The following PEX3 variants were observed in gnomAD, a reference collection of about 807,000 sequenced individuals.
PEX3 encodes peroxisomal biogenesis factor 3.
Under a neutral mutation model 55.8 loss-of-function variants are expected in PEX3, and 30 were observed. That is an observed-to-expected ratio of 0.54 (90% CI 0.40 to 0.73). The LOEUF (loss-of-function observed/expected upper bound fraction) is 0.73, where lower values mean the gene tolerates loss of function less well. PEX3 is among the 30% of genes least tolerant of loss of function. The pLI is 0.00. For missense variants in PEX3, 351 were observed against 432.8 expected, an observed-to-expected ratio of 0.81 and a Z score of 1.68; for synonymous variants, 135 against 148.4, an observed-to-expected ratio of 0.91 and a Z score of 0.66.
chr6:143,489,984 A>C lies in PEX3; in HGVS notation c.*758A>C, dbSNP rs1780365858. The C allele has an allele frequency of 6.6e-6, 1 of 152,184 alleles. No homozygotes were observed. Among genetic ancestry groups the C allele is most frequent in the African/African-American group, 2.4e-5 (1 of 41,460 alleles). 9.4% of individuals were successfully genotyped at this position (152,184 alleles called of 1,614,324 possible). On this transcript the variant is annotated 3_prime_UTR_variant, in exon 12 of 12. Transcript: ENST00000367591. This position sits in a 1 kb window ranked among gnomAD's most constrained non-coding sequence, Gnocchi z 5.5. ...TGATTTTGAATACAGTGAAAATCTT[A>C]TTGCAATAAACTATTTTAGTAAAAT...
chr6:143,471,551 T>C lies in PEX3; in HGVS notation c.524-6T>C, dbSNP rs759587912. 3.7e-6 allele frequency: 6 copies of C among 1,609,980 alleles called. No homozygotes were observed. Among genetic ancestry groups the C allele is most frequent in the Non-Finnish European group, 4.2e-6 (5 of 1,176,612 alleles). ...AAGGCTTTTAGGTTTGTTTTTTCTT[T>C]AATAGGCCTGACAGAATTGATCACT... is the stretch of plus-strand genomic sequence containing the variant. On this transcript the variant is annotated splice_polypyrimidine_tract_variant and splice_region_variant and intron_variant, in intron 6 of 11. Coordinates refer to ENST00000367591, the MANE Select transcript of PEX3 (RefSeq NM_003630.3). The surrounding 1 kb of genome is among the most constrained non-coding windows in gnomAD (Gnocchi z 5.4).
At chr6:143,470,914 C>T (rs375729406) in intron 4 of PEX3, 47 bp from the exon 5 acceptor site, 3 of 1,560,354 alleles carry the variant, frequency 1.9e-6, no homozygotes, top group African/African-American at 2.7e-5. Flanking sequence ...TGATTTTACA[C>T]ATTTGTATTA....
intron 1 of PEX3, among the ~76,000 whole-genome samples, chr6:143,452,186 A>C (rs1779781055): frequency 6.6e-6 from 1 of 152,206 alleles, no homozygotes; most frequent in Non-Finnish European, 1.5e-5. Flanking sequence ...TGATGCTTGA[A>C]AGTTTGAAAC....
In PEX3 at chr6:143,464,667, T is replaced by C. The variant is rs1562652779; in HGVS notation, c.287+1670T>C. 6.6e-6 allele frequency among the ~76,000 whole-genome samples: 1 copy of C among 151,924 alleles called. No homozygotes were observed. Among genetic ancestry groups the C allele is most frequent in the Non-Finnish European group, 1.5e-5 (1 of 67,846 alleles). On this transcript the variant is annotated intron_variant, in intron 3 of 11. Transcript: ENST00000367591. The surrounding 1 kb of genome is among the most constrained non-coding windows in gnomAD (Gnocchi z 5.8). Reference sequence around the variant, plus strand: ...TCTTTAAATATCTCAATGTTACTTCTTCTTGGCTTTCTTTTGATTTGAAAT... The same window carrying C: ...TCTTTAAATATCTCAATGTTACTTCCTCTTGGCTTTCTTTTGATTTGAAAT...
intron 10 of PEX3, among the ~76,000 whole-genome samples, chr6:143,484,097 T>A (rs532759652): frequency 6.6e-6 from 1 of 152,136 alleles, no homozygotes; most frequent in African/African-American, 2.4e-5. Context: ...AAATTTTTAG[T>A]GTAGCCCTAG....
rs1028819787 is a variant in PEX3, at chr6:143,451,823, G to T, written c.73+708G>T. Among the ~76,000 whole-genome samples, 4 of 152,158 alleles carry T rather than the reference G, an allele frequency of 2.6e-5. No individual in the cohort carries two copies. The highest frequency in any genetic ancestry group is 4.4e-5 in the Non-Finnish European group (3 of 68,032). Reference sequence around the variant, plus strand: ...TAGAAACAGATAAGATAAAAATCTTGAGACGCTTTTCCCTCATACAATGCT... The same window carrying T: ...TAGAAACAGATAAGATAAAAATCTTTAGACGCTTTTCCCTCATACAATGCT... On this transcript the variant is annotated intron_variant, in intron 1 of 11. Coordinates refer to ENST00000367591, the MANE Select transcript of PEX3 (RefSeq NM_003630.3). This position sits in a 1 kb window ranked among gnomAD's most constrained non-coding sequence, Gnocchi z 4.1.
rs924846439 is a variant in PEX3 at position 143,466,733 on chromosome 6, G to A, written c.288-1389G>A. ...TATTTTTAAAAAGGTAAAGAAAAAT[G>A]TGTATAATATTTTTCACTTATCTAA... On this transcript the variant is annotated intron_variant, in intron 3 of 11. Transcript: ENST00000367591. This position sits in a 1 kb window ranked among gnomAD's most constrained non-coding sequence, Gnocchi z 5.4. Among the ~76,000 whole-genome samples, 1 of 151,884 alleles carries A rather than the reference G, an allele frequency of 6.6e-6. No individual in the cohort carries two copies. Among genetic ancestry groups the A allele is most frequent in the Non-Finnish European group, 1.5e-5 (1 of 67,902 alleles).
chr6:143,452,080 A>G (rs1351988897), intron 1 of PEX3, among the ~76,000 whole-genome samples: 1 of 152,176 alleles, frequency 6.6e-6, no homozygotes, highest in Non-Finnish European at 1.5e-5. Context: ...TGTTCTCCCC[A>G]AACAATTTGA....
Position 143,474,848 on chromosome 6 carries a change from G to A in PEX3, c.810G>A (p.Met270Ile), listed in dbSNP as rs747026967. 1 of 1,557,298 alleles carries A rather than the reference G, an allele frequency of 6.4e-7. No homozygotes were observed. The highest frequency in any genetic ancestry group is 1.1e-5 in the South Asian group (1 of 89,876). The change falls in exon 9 of 12, where the codon ATG becomes ATA. Residue 270 changes from methionine (M) to isoleucine (I), a missense_variant. Met to Ile is a conservative substitution (Grantham distance 10). Transcript: ENST00000367591. The part of the protein sequence containing the change: ...TIKLLNETRD[M>I]LESPDFSTVL... ...AACTTCTCAATGAAACTAGAGACAT[G>A]TTGGAAAGGTATGTATACTTCATGT...
In PEX3 at chr6:143,489,352, C is replaced by G; in HGVS notation, c.*126C>G. The G allele has an allele frequency of 7.8e-6, 5 of 644,650 alleles. 1 individual carries two copies. Among genetic ancestry groups the G allele is most frequent in the South Asian group, 5.1e-5 (3 of 58,420 alleles). 39.9% of individuals were successfully genotyped at this position (644,650 alleles called of 1,614,324 possible). A position where few individuals can be genotyped will look rare whatever the true frequency, so the allele number is the denominator to read the frequency against. On this transcript the variant is annotated 3_prime_UTR_variant, in exon 12 of 12. Transcript: ENST00000367591. The surrounding 1 kb of genome is among the most constrained non-coding windows in gnomAD (Gnocchi z 5.5). ...GATAAAATATATTCTTAATAAAAGT[C>G]TTCATTTCATAATGAAATCAATTTA...
chr6:143,469,179 A>G (rs557840672), intron 4 of PEX3, among the ~76,000 whole-genome samples: 3 of 152,074 alleles, frequency 2.0e-5, no homozygotes, highest in Admixed American at 6.6e-5. Flanking sequence ...ATAATCCTTT[A>G]GGTATATACC....
Position 143,489,346 on chromosome 6 carries a change from A to G in PEX3, c.*120A>G, listed in dbSNP as rs1780355926. 1 of 663,546 alleles carries G rather than the reference A, an allele frequency of 1.5e-6. No homozygotes were observed. Among genetic ancestry groups the G allele is most frequent in the South Asian group, 1.7e-5 (1 of 60,408 alleles). The allele number at this position is 663,546 out of a possible 1,614,324, so 41.1% of individuals were successfully genotyped here. A position where few individuals can be genotyped will look rare whatever the true frequency, so the allele number is the denominator to read the frequency against. ...ATGCCTGATAAAATATATTCTTAAT[A>G]AAAGTCTTCATTTCATAATGAAATC... On this transcript the variant is annotated 3_prime_UTR_variant, in exon 12 of 12. Transcript: ENST00000367591. The surrounding 1 kb of genome is among the most constrained non-coding windows in gnomAD (Gnocchi z 5.5).
At chr6:143,474,302 A>C (rs1442542512) in intron 8 of PEX3, among the ~76,000 whole-genome samples, 1 of 151,856 alleles carries the variant, frequency 6.6e-6, no homozygotes, top group African/African-American at 2.4e-5. Flanking sequence ...ACAAATAAAA[A>C]TACAAACTTA....
In PEX3 at chr6:143,461,480, A is replaced by G. The variant is rs1209687116; in HGVS notation, c.206-1436A>G. 2.6e-5 allele frequency among the ~76,000 whole-genome samples: 4 copies of G among 152,308 alleles called. No homozygotes were observed. The South Asian group carries it at 8.3e-4, about 32-fold the overall frequency. ...AACTTTCCAAATTAGCTTTCTGCAC[A>G]TTCTGCATTTTTTGTACAATTCATA... On this transcript the variant is annotated intron_variant, in intron 2 of 11. Coordinates refer to ENST00000367591, the MANE Select transcript of PEX3 (RefSeq NM_003630.3).
At chr6:143,484,604 T>A (rs1780288757) in intron 10 of PEX3, among the ~76,000 whole-genome samples, 1 of 152,100 alleles carries the variant, frequency 6.6e-6, no homozygotes, top group Non-Finnish European at 1.5e-5. Flanking sequence ...AGATACTATT[T>A]TCACCTATCA....
chr6:143,485,746 TCCA>T lies in PEX3; in HGVS notation c.1038+499_1038+501del, dbSNP rs1584018992. ...AATGTTTTATCAGACTACCTATAACTCCATCTTATTTCTTCATTTCCATTTGGA... is the reference window on the plus strand; with the variant it reads ...AATGTTTTATCAGACTACCTATAACTTCTTATTTCTTCATTTCCATTTGGA... On this transcript the variant is annotated intron_variant, in intron 11 of 11. Transcript: ENST00000367591. The surrounding 1 kb of genome is among the most constrained non-coding windows in gnomAD (Gnocchi z 5.6). Among the ~76,000 whole-genome samples the T allele has an allele frequency of 6.6e-6, 1 of 152,138 alleles. No homozygotes were observed. Among genetic ancestry groups the T allele is most frequent in the Non-Finnish European group, 1.5e-5 (1 of 68,002 alleles).
rs1383057600 is a variant in PEX3 at position 143,466,663 on chromosome 6, G to A, written c.288-1459G>A. ...AACGTATCCCCCAAGGATAAGAAGG[G>A]ACTACTGTAGTACTATGGAATGATT... On this transcript the variant is annotated intron_variant, in intron 3 of 11. Transcript: ENST00000367591. The surrounding 1 kb of genome is among the most constrained non-coding windows in gnomAD (Gnocchi z 5.4). Among the ~76,000 whole-genome samples the A allele has an allele frequency of 2.6e-5, 4 of 151,918 alleles. No homozygotes were observed. Among genetic ancestry groups the A allele is most frequent in the African/African-American group, 7.2e-5 (3 of 41,382 alleles).
intron 10 of PEX3, among the ~76,000 whole-genome samples, chr6:143,481,359 T>C (rs575647191): frequency 1.3e-5 from 2 of 152,048 alleles, no homozygotes; most frequent in Admixed American, 6.5e-5. Flanking sequence ...ATGTCTCTCA[T>C]TGAATTCTTA....
chr6:143,460,281 G>T (rs991749461), intron 2 of PEX3, among the ~76,000 whole-genome samples: 9 of 152,214 alleles, frequency 5.9e-5, no homozygotes, highest in Middle Eastern at 3.4e-3. Flanking sequence ...AATATTTGAA[G>T]TAGTAATACT....
Sources: allele counts gnomAD v4.1 joint callset (sites outside exome capture counted in the v4.1 genomes callset), GRCh38; gene constraint gnomAD v4.1.1; non-coding constraint Gnocchi (gnomAD v3.1); transcripts MANE v1.5; gene names NCBI Gene and HGNC (gene_info 2026-07-23, HGNC 2026-07-21).